PTPRD: variants seen among roughly 807,000 people sequenced by gnomAD.
PTPRD encodes the protein receptor-type tyrosine-protein phosphatase delta.
PTPRD carries 34 observed loss-of-function variants against 214.5 expected under a neutral mutation model. That is an observed-to-expected ratio of 0.16 (90% CI 0.12 to 0.21). The LOEUF is 0.21. Among genes scored for constraint, PTPRD ranks in the 10% least tolerant of loss-of-function variants. The probability of loss-of-function intolerance (pLI) is 1.00; values close to 1 mark genes in which losing one functional copy is unlikely to be tolerated. For synonymous variants in PTPRD, 1,128 were observed against 845.7 expected (o/e 1.33, Z -5.79); for missense variants, 2,545 against 2,398.7 (o/e 1.06, Z -1.27).
rs1009877977 is a variant in PTPRD, at chr9:8,461,264, T to TA, written c.3715-694dup. ...TATAAAATATAGAATTTTTAGAACT[T>TA]AAAAGAATTCAGCAGTTCTCACTTA... On this transcript the variant is annotated intron_variant, in intron 32 of 45. Transcript: ENST00000381196. Among the ~76,000 whole-genome samples, 187 of 152,184 alleles carry TA rather than the reference T, an allele frequency of 1.2e-3. 1 individual carries two copies. Among genetic ancestry groups the TA allele is most frequent in the African/African-American group, 3.8e-3 (159 of 41,558 alleles).
intron 3 of PTPRD, among the ~76,000 whole-genome samples, chr9:10,075,606 G>T (rs1473767779): frequency 3.3e-5 from 5 of 151,706 alleles, no homozygotes; most frequent in African/African-American, 1.2e-4. Context: ...AGTACTTTGT[G>T]CATAGAAGGC....
chr9:8,722,324 T>C (rs148622440), intron 12 of PTPRD, among the ~76,000 whole-genome samples: 123 of 152,212 alleles, frequency 8.1e-4, no homozygotes, highest in African/African-American at 2.6e-3. Flanking sequence ...ATTGAGAAAA[T>C]TGCTCCTGGT....
chr9:9,024,885 T>C (rs912427419), intron 10 of PTPRD, among the ~76,000 whole-genome samples: 2 of 151,964 alleles, frequency 1.3e-5, no homozygotes, highest in African/African-American at 4.8e-5. Context: ...ATGCCAAGAT[T>C]CATCCTAAAA....
chr9:10,056,357 T>A (rs2154160691), intron 3 of PTPRD, among the ~76,000 whole-genome samples: 1 of 151,878 alleles, frequency 6.6e-6, no homozygotes, highest in African/African-American at 2.4e-5. Context: ...AAATCTGACT[T>A]TCTGAAGATG....
chr9:9,481,390 T>C (rs2095408335), intron 8 of PTPRD, among the ~76,000 whole-genome samples: 1 of 152,050 alleles, frequency 6.6e-6, no homozygotes, highest in South Asian at 2.1e-4. Flanking sequence ...ACATCAACAT[T>C]ACAGGGAAAT....
intron 8 of PTPRD, among the ~76,000 whole-genome samples, chr9:9,460,570 T>TA (rs1026343842): frequency 1.3e-5 from 2 of 151,628 alleles, no homozygotes; most frequent in African/African-American, 2.4e-5. Flanking sequence ...AGCAAACATA[T>TA]AAAAAATGCT....
chr9:8,713,077 G>C (rs760239335), intron 12 of PTPRD, among the ~76,000 whole-genome samples: 2 of 152,190 alleles, frequency 1.3e-5, no homozygotes, highest in African/African-American at 4.8e-5. Flanking sequence ...AGGTATGTGT[G>C]TGTGCTTTTT....
intron 10 of PTPRD, among the ~76,000 whole-genome samples, chr9:9,136,444 A>G (rs918827049): frequency 9.9e-5 from 15 of 152,156 alleles, no homozygotes; most frequent in African/African-American, 3.6e-4. Context: ...ATCTGAACTC[A>G]TTTTCATAAA....
At chr9:10,388,899 G>C (rs960609142) in intron 2 of PTPRD, among the ~76,000 whole-genome samples, 1 of 151,692 alleles carries the variant, frequency 6.6e-6, no homozygotes, top group Non-Finnish European at 1.5e-5. Flanking sequence ...ATAACCAATT[G>C]TAAGTATTAT....
chr9:9,618,948 C>A (rs964370200), intron 7 of PTPRD, among the ~76,000 whole-genome samples: 6 of 151,946 alleles, frequency 3.9e-5, no homozygotes, highest in South Asian at 2.1e-4. Flanking sequence ...TGTCCCAAGA[C>A]ATAGGAAAAA....
intron 3 of PTPRD, among the ~76,000 whole-genome samples, chr9:10,217,568 G>C (rs984921576): frequency 9.2e-5 from 14 of 151,984 alleles, no homozygotes; most frequent in African/African-American, 3.4e-4. Context: ...TACTGTAGGA[G>C]GCCACCACCA....
At position 10,056,338 on chromosome 9, in the gene PTPRD, T is replaced by C. The variant is rs563877571; in HGVS notation, c.-544-22548A>G. On this transcript the variant is annotated intron_variant, in intron 3 of 45. Coordinates refer to ENST00000381196, the MANE Select transcript of PTPRD (RefSeq NM_002839.4). Reference sequence around the variant, plus strand: ...TCCATCTCAAAAAAAAAAAAAAGTGTCTATTAAAAAATCTGACTTTCTGAA... The same window carrying C: ...TCCATCTCAAAAAAAAAAAAAAGTGCCTATTAAAAAATCTGACTTTCTGAA... Among the ~76,000 whole-genome samples the C allele has an allele frequency of 7.3e-5, 11 of 150,250 alleles. No homozygotes were observed. The East Asian group carries it at 2.2e-3, about 30-fold the overall frequency.
chr9:8,780,763 A>G (rs1391147089), intron 11 of PTPRD, among the ~76,000 whole-genome samples: 1 of 152,224 alleles, frequency 6.6e-6, no homozygotes, highest in Non-Finnish European at 1.5e-5. Context: ...AGGTAAGTAA[A>G]GAAACAAATA....
At chr9:9,340,469 G>C (rs1221341996) in intron 9 of PTPRD, among the ~76,000 whole-genome samples, 1 of 152,096 alleles carries the variant, frequency 6.6e-6, no homozygotes, top group Non-Finnish European at 1.5e-5. Context: ...TTCAAATGTA[G>C]GAATGACACC....
chr9:10,475,417 C>G (rs912205949), intron 2 of PTPRD, among the ~76,000 whole-genome samples: 7 of 151,920 alleles, frequency 4.6e-5, no homozygotes, highest in African/African-American at 1.7e-4. Flanking sequence ...ACACATAAAC[C>G]CTCCCAAGAC....
At chr9:8,657,933 T>A (rs564546404) in intron 12 of PTPRD, among the ~76,000 whole-genome samples, 88 of 152,372 alleles carry the variant, frequency 5.8e-4, no homozygotes, top group African/African-American at 2.0e-3. Flanking sequence ...TAATACTTTA[T>A]AATAAATTAT....
In PTPRD at chr9:8,867,709, T is replaced by G. The variant is rs71500965; in HGVS notation, c.-103-133763A>C. On this transcript the variant is annotated intron_variant, in intron 11 of 45. Coordinates refer to ENST00000381196, the MANE Select transcript of PTPRD (RefSeq NM_002839.4). ...ATTTCATCTGTGATTCAATCTTACC[T>G]GTGCCATTCATAGCACACCTGCCTT... Among the ~76,000 whole-genome samples, 566 of 152,332 alleles carry G rather than the reference T, an allele frequency of 3.7e-3. 5 individuals are homozygous for G. Among genetic ancestry groups the G allele is most frequent in the Middle Eastern group, 6.8e-3 (2 of 294 alleles).
At chr9:9,749,181 C>G (rs1359174) in intron 6 of PTPRD, among the ~76,000 whole-genome samples, 86,866 of 151,908 alleles carry the variant, frequency 0.57, 27,495 homozygotes, top group African/African-American at 0.86. Context: ...CTCCATGCCT[C>G]TCAGTTTCAA....
At chr9:10,134,880 A>C (rs2098930725) in intron 3 of PTPRD, among the ~76,000 whole-genome samples, 1 of 152,106 alleles carries the variant, frequency 6.6e-6, no homozygotes, top group Non-Finnish European at 1.5e-5. Flanking sequence ...CAGCTCAACC[A>C]CTGAAATGGC....
Sources: allele counts gnomAD v4.1 joint callset (sites outside exome capture counted in the v4.1 genomes callset), GRCh38; gene constraint gnomAD v4.1.1; transcripts MANE v1.5; gene names NCBI Gene and HGNC (gene_info 2026-07-23, HGNC 2026-07-21).